Variants in FMNL2 observed in about 807,000 individuals in gnomAD.
FMNL2 encodes formin-like protein 2.
A neutral mutation model predicts 130.2 loss-of-function variants in FMNL2; 51 were observed. That is an observed-to-expected ratio of 0.39 (90% CI 0.31 to 0.49). The LOEUF is 0.49. Among genes scored for constraint, FMNL2 ranks in the 20% least tolerant of loss-of-function variants. The probability of loss-of-function intolerance (pLI) is 0.85; values close to 1 mark genes in which losing one functional copy is unlikely to be tolerated. For missense variants in FMNL2, 977 were observed against 1,316.2 expected (o/e 0.74, Z 3.99); for synonymous variants, 465 against 467.1 (o/e 1.00, Z 0.06).
intron 1 of FMNL2, among the ~76,000 whole-genome samples, chr2:152,351,985 G>A (rs943238418): frequency 6.6e-6 from 1 of 152,190 alleles, no homozygotes; most frequent in Admixed American, 6.5e-5. Flanking sequence ...TCTTATGCGT[G>A]TTAAAGTTTG....
At chr2:152,420,823 T>G (rs568820345) in intron 1 of FMNL2, among the ~76,000 whole-genome samples, 1 of 152,306 alleles carries the variant, frequency 6.6e-6, no homozygotes, top group East Asian at 1.9e-4. Context: ...ACAAACCTAC[T>G]GGTGGAAAAA....
chr2:152,358,162 C>G (rs1311597790), intron 1 of FMNL2, among the ~76,000 whole-genome samples: 1 of 126,578 alleles, frequency 7.9e-6, no homozygotes, highest in Non-Finnish European at 1.7e-5. Context: ...ACATCAGACT[C>G]CAAGTTCTTC....
chr2:152,449,447 C>T (rs750152752), intron 1 of FMNL2, among the ~76,000 whole-genome samples: 10 of 152,172 alleles, frequency 6.6e-5, no homozygotes, highest in Non-Finnish European at 1.3e-4. Context: ...GACCTCTCCC[C>T]TTAAAATAGT....
At chr2:152,459,290 C>T (rs999330178) in intron 1 of FMNL2, among the ~76,000 whole-genome samples, 3 of 152,192 alleles carry the variant, frequency 2.0e-5, no homozygotes, top group Admixed American at 2.0e-4. Context: ...TGAATTCGCA[C>T]TGAACCAAGC....
intron 1 of FMNL2, among the ~76,000 whole-genome samples, chr2:152,351,980 T>C (rs1487537460): frequency 1.3e-5 from 2 of 152,222 alleles, no homozygotes; most frequent in African/African-American, 2.4e-5. Flanking sequence ...GCAATTCTTA[T>C]GCGTGTTAAA....
At chr2:152,344,562 C>T (rs1682005075) in intron 1 of FMNL2, among the ~76,000 whole-genome samples, 2 of 152,126 alleles carry the variant, frequency 1.3e-5, no homozygotes, top group African/African-American at 4.8e-5. Flanking sequence ...GGTAGAGAGA[C>T]TTTATTTAAC....
chr2:152,460,483 A>G (rs989947536), intron 1 of FMNL2, among the ~76,000 whole-genome samples: 13 of 152,308 alleles, frequency 8.5e-5, no homozygotes, highest in Admixed American at 7.8e-4. Flanking sequence ...TGGTCAAAGT[A>G]TTTTGGCCTT....
At chr2:152,644,258 A>G (rs540459441) in intron 25 of FMNL2, among the ~76,000 whole-genome samples, 1 of 152,342 alleles carries the variant, frequency 6.6e-6, no homozygotes, top group Admixed American at 6.5e-5. Flanking sequence ...TACTGTTCTA[A>G]GTAGGTTTAC....
intron 1 of FMNL2, among the ~76,000 whole-genome samples, chr2:152,514,583 T>G (rs1692657638): frequency 6.6e-6 from 1 of 152,208 alleles, no homozygotes; most frequent in Non-Finnish European, 1.5e-5. Context: ...CCTCAGTGGA[T>G]ATCTGGAACC....
chr2:152,337,421 G>C (rs964794662), intron 1 of FMNL2, among the ~76,000 whole-genome samples: 2 of 151,418 alleles, frequency 1.3e-5, no homozygotes, highest in African/African-American at 4.9e-5. Flanking sequence ...GTGTGTGTGT[G>C]TGTCTGAATA....
intron 1 of FMNL2, among the ~76,000 whole-genome samples, chr2:152,359,218 C>T (rs897478502): frequency 6.6e-6 from 1 of 152,140 alleles, no homozygotes; most frequent in South Asian, 2.1e-4. Flanking sequence ...AATATAATAG[C>T]AGCTAATATT....
intron 1 of FMNL2, among the ~76,000 whole-genome samples, chr2:152,356,224 C>G (rs1682771284): frequency 6.6e-6 from 1 of 152,196 alleles, no homozygotes; most frequent in African/African-American, 2.4e-5. Context: ...CTCCTGGGTT[C>G]AAGCAATTCT....
At chr2:152,463,386 A>G (rs1260172549) in intron 1 of FMNL2, among the ~76,000 whole-genome samples, 1 of 152,186 alleles carries the variant, frequency 6.6e-6, no homozygotes, top group Non-Finnish European at 1.5e-5. Context: ...TGACTTGCTG[A>G]AGGTCACACA....
intron 9 of FMNL2, among the ~76,000 whole-genome samples, chr2:152,596,736 C>T (rs1023910192): frequency 6.6e-6 from 1 of 152,220 alleles, no homozygotes; most frequent in Non-Finnish European, 1.5e-5. Context: ...CGTTTAGTCA[C>T]TTCTGCTGTT....
intron 25 of FMNL2, chr2:152,645,411 T>A: frequency 8.0e-7 from 1 of 1,244,222 alleles, no homozygotes; most frequent in Middle Eastern, 2.2e-4. Flanking sequence ...CATCATTTTG[T>A]GTTTTTGTTT....
intron 1 of FMNL2, among the ~76,000 whole-genome samples, chr2:152,491,058 G>T (rs1691158612): frequency 6.6e-6 from 1 of 152,180 alleles, no homozygotes; most frequent in Admixed American, 6.5e-5. Context: ...CAGCCCAGGT[G>T]GTTGGGTGAT....
chr2:152,381,844 C>T, intron 1 of FMNL2, among the ~76,000 whole-genome samples: 1 of 151,556 alleles, frequency 6.6e-6, no homozygotes, highest in East Asian at 1.9e-4. Context: ...AGGATCTCCT[C>T]CAGCCCAGGC....
At chr2:152,468,456 G>A (rs545762857) in intron 1 of FMNL2, among the ~76,000 whole-genome samples, 2 of 150,060 alleles carry the variant, frequency 1.3e-5, no homozygotes, top group South Asian at 4.2e-4. Context: ...ATGTGAACCT[G>A]TTTTTTTTTC....
At chr2:152,337,197 A>C (rs1560276387) in intron 1 of FMNL2, among the ~76,000 whole-genome samples, 1 of 152,094 alleles carries the variant, frequency 6.6e-6, no homozygotes, top group Non-Finnish European at 1.5e-5. Context: ...GTTGTGCAAG[A>C]TGGGACACTG....
Sources: gnomAD v4.1 joint callset for allele counts (sites outside exome capture counted in the v4.1 genomes callset) on GRCh38, gnomAD v4.1.1 for gene constraint, MANE v1.5 for transcripts, NCBI Gene and HGNC (gene_info 2026-07-23, HGNC 2026-07-21) for gene names.